Variants in SCRIB observed in about 807,000 individuals in gnomAD.
SCRIB encodes the protein scribble planar cell polarity protein, also known as protein scribble homolog.
Under a neutral mutation model 170.0 loss-of-function variants are expected in SCRIB, and 72 were observed. The ratio of observed to expected loss-of-function variants is 0.42; its 90% CI spans 0.35 to 0.52. The LOEUF is 0.52. SCRIB is among the 20% of genes least tolerant of loss of function. The pLI is 0.02. For missense variants in SCRIB, 2,475 were observed against 2,338.5 expected (o/e 1.06, Z -1.20); for synonymous variants, 1,298 against 1,044.3 (o/e 1.24, Z -4.68).
chr8:143,795,034 T>C lies in SCRIB; in HGVS notation c.3846+4A>G. On this transcript the variant is annotated splice_donor_region_variant and intron_variant, in intron 27 of 36. Transcript: ENST00000356994. ...GTGGGGGGCACTGCACACTGGGCAC[T>C]CACCCTCTGCACGCTGCCAGCGCTG... is the stretch of plus-strand genomic sequence containing the variant. The C allele has an allele frequency of 6.2e-7, 1 of 1,609,556 alleles. No homozygotes were observed. Among genetic ancestry groups the C allele is most frequent in the Middle Eastern group, 2.0e-4 (1 of 5,104 alleles).
rs781874101 is a variant in SCRIB at position 143,792,758 on chromosome 8, C to T, written c.4127G>A (p.Arg1376His). ...GTCGTCAGCACCCACCAGGGACACG[C>T]GCTTAGGGGGGCCCTCGGCCTGGGG... ...RVPQAEGPPK[R>H]VSLVGADDLR... Residue 1376 changes from arginine (R) to histidine (H), a missense_variant, in exon 30 of 37, where the codon CGC (arginine) becomes CAC (histidine). Physicochemically the swap from Arg to His is conservative, Grantham distance 29. This residue lies in a region of SCRIB where 1,966 missense variants were observed against 1,742.9 expected (regional missense o/e 1.13). Coordinates refer to ENST00000356994, the MANE Select transcript of SCRIB (RefSeq NM_182706.5). 78 of 1,588,768 alleles carry T rather than the reference C, an allele frequency of 4.9e-5. No homozygotes were observed. Among genetic ancestry groups the T allele is most frequent in the Non-Finnish European group, 6.1e-5 (71 of 1,170,822 alleles).
At chr8:143,796,005 C>T (rs1366754099) in intron 24 of SCRIB, among the ~76,000 whole-genome samples, 3 of 152,142 alleles carry the variant, frequency 2.0e-5, no homozygotes, top group Middle Eastern at 3.2e-3. Context: ...GCAGGAGGCC[C>T]GGCCAGCTCT....
intron 4 of SCRIB, 35 bp downstream of exon 4, chr8:143,813,602 C>G: frequency 6.2e-7 from 1 of 1,612,150 alleles, no homozygotes; most frequent in Non-Finnish European, 8.5e-7. Context: ...CCTGGTCCCC[C>G]ACCCCACCCT....
At chr8:143,808,127 A>T (rs1316804967) in intron 15 of SCRIB, among the ~76,000 whole-genome samples, 2 of 152,070 alleles carry the variant, frequency 1.3e-5, no homozygotes, top group South Asian at 4.1e-4. Context: ...ATCCCAGGAG[A>T]GCCCAGTGAT....
chr8:143,808,760 G>A lies in SCRIB; in HGVS notation c.1964C>T (p.Pro655Leu). The A allele has an allele frequency of 6.2e-7, 1 of 1,608,146 alleles. No homozygotes were observed. Among genetic ancestry groups the A allele is most frequent in the Non-Finnish European group, 8.5e-7 (1 of 1,176,918 alleles). ...CTCCTCCTCCTCCTTCTGGGCCCGAGGAGCCCAGGGTGCGTGGGGGCCATT... is the reference window on the plus strand; with the variant it reads ...CTCCTCCTCCTCCTTCTGGGCCCGAAGAGCCCAGGGTGCGTGGGGGCCATT... ...WHNGPHAPWA[P>L]RAQKEEEEEE... The change falls in exon 15 of 37, where the codon CCT becomes CTT. Residue 655 changes from proline to leucine, a missense_variant. Coordinates refer to ENST00000356994, the MANE Select transcript of SCRIB (RefSeq NM_182706.5).
At position 143,793,958 on chromosome 8, in the gene SCRIB, G is replaced by C. The variant is rs782682939; in HGVS notation, c.3851C>G (p.Pro1284Arg). 1 of 1,612,398 alleles carries C rather than the reference G, an allele frequency of 6.2e-7. No homozygotes were observed. Among genetic ancestry groups the C allele is most frequent in the Non-Finnish European group, 8.5e-7 (1 of 1,179,194 alleles). Residue 1284 changes from proline (P) to arginine (R), a missense_variant, in exon 28 of 37, where the codon CCG (proline) becomes CGG (arginine). This residue lies in a region of SCRIB where 1,966 missense variants were observed against 1,742.9 expected (regional missense o/e 1.13). Transcript: ENST00000356994. ...CATCTTCCCTCCAGCTGCTCCAGACGGTACCTGGAGGAGTAGGCAGTGGGT... is the reference window on the plus strand; with the variant it reads ...CATCTTCCCTCCAGCTGCTCCAGACCGTACCTGGAGGAGTAGGCAGTGGGT... The part of the protein sequence containing the change: ...VPSAGSVQRV[P>R]SGAAGGKMAE...
Position 143,791,278 on chromosome 8 carries a change from A to G in SCRIB, c.4853T>C (p.Leu1618Pro), listed in dbSNP as rs1554632539. The change falls in exon 37 of 37, where the codon CTG (leucine) becomes CCG (proline). Residue 1618 changes from leucine (L) to proline (P), a missense_variant. This residue lies in a region of SCRIB where 1,966 missense variants were observed against 1,742.9 expected (regional missense o/e 1.13). Coordinates refer to ENST00000356994, the MANE Select transcript of SCRIB (RefSeq NM_182706.5). The part of the protein sequence containing the change: ...GPQEEDGEVA[L>P]VLLGRPSPGA... ...GGGTGAGGGCCTGCCCAGAAGCACCAGAGCCACTTCTCCATCCTCCTCCTG... is the reference window on the plus strand; with the variant it reads ...GGGTGAGGGCCTGCCCAGAAGCACCGGAGCCACTTCTCCATCCTCCTCCTG... The G allele has an allele frequency of 6.5e-7, 1 of 1,546,098 alleles. No homozygotes were observed. Among genetic ancestry groups the G allele is most frequent in the East Asian group, 2.3e-5 (1 of 42,732 alleles).
intron 24 of SCRIB, among the ~76,000 whole-genome samples, chr8:143,801,986 T>C (rs1554635058): frequency 6.6e-6 from 1 of 152,260 alleles, no homozygotes; most frequent in Non-Finnish European, 1.5e-5. Flanking sequence ...GCACTAGCCC[T>C]GCCTTCTGCA....
Position 143,814,133 on chromosome 8 carries a change from G to T in SCRIB, c.160-15C>A, listed in dbSNP as rs372874216. 2.6e-5 allele frequency: 41 copies of T among 1,547,202 alleles called. No homozygotes were observed. In the East Asian group the frequency reaches 9.8e-4, roughly 37 times the overall value. ...CGGAAAAAAGGCTGTGGGCAGGGAG[G>T]ACACGGACTCTGTGGCAGAGACCAC... On this transcript the variant is annotated splice_polypyrimidine_tract_variant and intron_variant, in intron 1 of 36. Transcript: ENST00000356994.
Position 143,803,531 on chromosome 8 carries a change from C to T in SCRIB, c.3455G>A (p.Arg1152His), listed in dbSNP as rs140946440. The change falls in exon 24 of 37, where the codon CGT becomes CAT. Residue 1152 changes from arginine (R) to histidine (H), a missense_variant. Around this residue, in one of 3 missense-constraint regions of SCRIB, gnomAD observed 1,966 missense variants for 1,742.9 expected, o/e 1.13. Transcript: ENST00000356994. ...CACCTCCAACAGCCGCAAACCCACACGCAGCCGACCGTCGCGCCCGGCTGC... is the reference window on the plus strand; with the variant it reads ...CACCTCCAACAGCCGCAAACCCACATGCAGCCGACCGTCGCGCCCGGCTGC... ...TGAAGRDGRL[R>H]VGLRLLEVNQ... The T allele has an allele frequency of 4.2e-4, 670 of 1,604,220 alleles. 4 individuals carry two copies. In the African/African-American group the frequency reaches 8.3e-3, roughly 20 times the overall value.
intron 15 of SCRIB, among the ~76,000 whole-genome samples, chr8:143,808,116 G>A (rs1243917599): frequency 6.6e-6 from 1 of 152,190 alleles, no homozygotes; most frequent in Non-Finnish European, 1.5e-5. Flanking sequence ...CACAAGAGAG[G>A]ATCCCAGGAG....
chr8:143,792,988 ATCC>A lies in SCRIB; in HGVS notation c.4002_4004del (p.Glu1334del), dbSNP rs782426036. The A allele has an allele frequency of 1.2e-4, 187 of 1,510,698 alleles. No individual in the cohort carries two copies. Among genetic ancestry groups the A allele is most frequent in the Non-Finnish European group, 1.6e-4 (184 of 1,128,390 alleles). 93.6% of individuals were successfully genotyped at this position (1,510,698 alleles called of 1,614,324 possible). A position where few individuals can be genotyped will look rare whatever the true frequency, so the allele number is the denominator to read the frequency against. On this transcript the variant is annotated inframe_deletion, in exon 29 of 37. Transcript: ENST00000356994. ...TGCCCCCACACACCTGGGCAGGGGC[ATCC>A]TCAGGCGGGTGAGAAGTGGGCACGG...
intron 24 of SCRIB, 99 bp downstream of exon 24, chr8:143,803,284 G>A (rs1587524236): frequency 3.1e-5 from 37 of 1,189,352 alleles, no homozygotes; most frequent in East Asian, 2.9e-4. Flanking sequence ...AGACCCAGAG[G>A]CACAGGGGAC....
chr8:143,792,426 G>A (rs1554633073), intron 31 of SCRIB, 21 bp from the exon 32 acceptor site: 12 of 1,506,858 alleles, frequency 8.0e-6, no homozygotes, highest in Non-Finnish European at 1.1e-5. Context: ...GACAGGACGT[G>A]CTGTGGGGGG....
intron 33 of SCRIB, 29 bp from the exon 34 acceptor site, chr8:143,791,942 G>A (rs1554632815): frequency 6.6e-7 from 1 of 1,508,016 alleles, no homozygotes; most frequent in Admixed American, 2.2e-5. Context: ...GGCATTGGAA[G>A]CAGCCCATGC....
intron 24 of SCRIB, among the ~76,000 whole-genome samples, chr8:143,800,458 GGGGAA>G (rs1396732865): frequency 6.6e-6 from 1 of 152,240 alleles, no homozygotes; most frequent in Non-Finnish European, 1.5e-5. Flanking sequence ...AGGCCCGAAG[GGGGAA>G]GGGCGGCCAG....
rs1216722301 is a variant in SCRIB at position 143,791,929 on chromosome 8, G to C, written c.4658-16C>G. ...GGGCCGAGGTCTGGGGGGACAAGAA[G>C]CGGGCATTGGAAGCAGCCCATGCGG... On this transcript the variant is annotated splice_polypyrimidine_tract_variant and intron_variant, in intron 33 of 36. Transcript: ENST00000356994. The C allele has an allele frequency of 4.6e-6, 7 of 1,514,910 alleles. No homozygotes were observed. Among genetic ancestry groups the C allele is most frequent in the Non-Finnish European group, 5.3e-6 (6 of 1,130,726 alleles). The allele number at this position is 1,514,910 out of a possible 1,614,324, so 93.8% of individuals were successfully genotyped here.
Position 143,812,974 on chromosome 8 carries a change from A to T in SCRIB, c.643-13T>A, listed in dbSNP as rs776846003. The T allele has an allele frequency of 6.2e-7, 1 of 1,612,452 alleles. No homozygotes were observed. Among genetic ancestry groups the T allele is most frequent in the Non-Finnish European group, 8.5e-7 (1 of 1,179,794 alleles). The stretch of plus-strand genomic sequence containing the variant: ...GGTTCCCGAGCTCCTGCAGGTGGGC[A>T]GAGAGTCAGAGCGCGGATGGGCACG... On this transcript the variant is annotated splice_polypyrimidine_tract_variant and intron_variant, in intron 7 of 36. Coordinates refer to ENST00000356994, the MANE Select transcript of SCRIB (RefSeq NM_182706.5).
intron 28 of SCRIB, chr8:143,793,551 G>A (rs1814807507): frequency 2.9e-6 from 1 of 341,914 alleles, no homozygotes. Flanking sequence ...TGTGTTGGGA[G>A]GTGCCAACAG....
Sources: allele counts gnomAD v4.1 joint callset (sites outside exome capture counted in the v4.1 genomes callset), GRCh38; gene constraint gnomAD v4.1.1; regional missense constraint gnomAD v4.1.1; transcripts MANE v1.5; gene names NCBI Gene and HGNC (gene_info 2026-07-23, HGNC 2026-07-21).